PON3: variants seen among roughly 807,000 people sequenced by gnomAD.
PON3 encodes the protein serum paraoxonase/lactonase 3.
In PON3, 37 loss-of-function variants were observed where a neutral mutation model predicts 36.3. The ratio of observed to expected loss-of-function variants is 1.02; its 90% CI spans 0.78 to 1.34. PON3 has a LOEUF of 1.34. PON3 is among the 40% of genes most tolerant of loss of function. The probability of loss-of-function intolerance (pLI) is 0.00; values close to 1 mark genes in which losing one functional copy is unlikely to be tolerated. For missense variants in PON3, 415 were observed against 426.5 expected, an observed-to-expected ratio of 0.97 and a Z score of 0.24; for synonymous variants, 155 against 154.8, an observed-to-expected ratio of 1.00 and a Z score of -0.01.
In PON3 at chr7:95,394,691, T is replaced by C. The variant is rs1339025907; in HGVS notation, c.98A>G (p.Glu33Gly). 3 of 1,614,036 alleles carry C rather than the reference T, an allele frequency of 1.9e-6. No individual in the cohort carries two copies. The highest frequency in any genetic ancestry group is 2.5e-6 in the Non-Finnish European group (3 of 1,180,022). The change falls in exon 2 of 9, where the codon GAA becomes GGA. Residue 33 changes from glutamate (E) to glycine (G), a missense_variant. Glu to Gly is a moderately conservative substitution (Grantham distance 98, BLOSUM62 -2). Coordinates refer to ENST00000265627, the MANE Select transcript of PON3 (RefSeq NM_000940.3). Reference sequence around the variant, plus strand: ...GTTTTCAGGTTCTACTGGCTCCACTTCTCGAGAGGCATTCACCCTTTCTCT... The same window carrying C: ...GTTTTCAGGTTCTACTGGCTCCACTCCTCGAGAGGCATTCACCCTTTCTCT... ...AFRERVNASR[E>G]VEPVEPENCH...
At chr7:95,380,953 A>G (rs1335379585) in intron 3 of PON3, among the ~76,000 whole-genome samples, 1 of 152,222 alleles carries the variant, frequency 6.6e-6, no homozygotes, top group Non-Finnish European at 1.5e-5. Context: ...AGCCAGAGAG[A>G]AAGGTCCAGT....
intron 3 of PON3, among the ~76,000 whole-genome samples, chr7:95,375,060 A>T (rs1808884904): frequency 1.3e-5 from 2 of 150,888 alleles, no homozygotes; most frequent in Admixed American, 1.3e-4. Flanking sequence ...CAAAATCAAC[A>T]CTCTCCCCTC....
In PON3 at chr7:95,383,288, A is replaced by G. The variant is rs537549892; in HGVS notation, c.201+6866T>C. The stretch of plus-strand genomic sequence containing the variant: ...ACTGGAAGCATTCCCTTTGAAAACC[A>G]GCACAAGACAGGGATGCCCTCTCTC... On this transcript the variant is annotated intron_variant, in intron 3 of 8. Coordinates refer to ENST00000265627, the MANE Select transcript of PON3 (RefSeq NM_000940.3). Among the ~76,000 whole-genome samples, 14 of 152,254 alleles carry G rather than the reference A, an allele frequency of 9.2e-5. 1 individual carries two copies. Among genetic ancestry groups the G allele is most frequent in the Admixed American group, 5.2e-4 (8 of 15,268 alleles).
intron 4 of PON3, among the ~76,000 whole-genome samples, chr7:95,368,250 G>A (rs1808739364): frequency 6.6e-6 from 1 of 152,144 alleles, no homozygotes; most frequent in African/African-American, 2.4e-5. Context: ...TCCCACTGTA[G>A]GACTTGATCT....
At chr7:95,384,032 G>C (rs202171678) in intron 3 of PON3, among the ~76,000 whole-genome samples, 1 of 152,134 alleles carries the variant, frequency 6.6e-6, no homozygotes, top group East Asian at 1.9e-4. Flanking sequence ...CAGAACAGAG[G>C]CCTCAGAGAT....
intron 3 of PON3, among the ~76,000 whole-genome samples, chr7:95,377,287 C>T (rs183164184): frequency 2.6e-4 from 40 of 152,314 alleles, no homozygotes; most frequent in Admixed American, 1.5e-3. Flanking sequence ...GCAGAGCCCA[C>T]CACAGCTCAG....
chr7:95,368,811 AAAC>A (rs763585833), intron 4 of PON3, among the ~76,000 whole-genome samples: 1 of 108,574 alleles, frequency 9.2e-6, no homozygotes, highest in Non-Finnish European at 1.9e-5. Flanking sequence ...AAACAAAAAC[AAAC>A]AAAAAAAAAA....
At chr7:95,368,146 G>C (rs915438575) in intron 4 of PON3, among the ~76,000 whole-genome samples, 9 of 152,154 alleles carry the variant, frequency 5.9e-5, no homozygotes, top group African/African-American at 2.2e-4. Flanking sequence ...CAAGATTGAG[G>C]GTAGTAATTT....
Position 95,372,254 on chromosome 7 carries a change from T to G in PON3, c.286A>C (p.Arg96=), listed in dbSNP as rs774112217. 1.2e-6 allele frequency: 2 copies of G among 1,613,868 alleles called. No homozygotes were observed. Among genetic ancestry groups the G allele is most frequent in the Non-Finnish European group, 1.7e-6 (2 of 1,179,890 alleles). ...FLMDLNEQNP[R]AQALEISGGF... ...CCACTGATTTCTAGCGCTTGTGCCC[T>G]TGGGTTTTGTTCATTCAGATCCATC... The change falls in exon 4 of 9, where the codon AGG becomes CGG. Residue 96 remains arginine, a synonymous_variant. Coordinates refer to ENST00000265627, the MANE Select transcript of PON3 (RefSeq NM_000940.3).
intron 3 of PON3, among the ~76,000 whole-genome samples, chr7:95,383,115 C>T (rs1366018187): frequency 3.9e-5 from 6 of 152,176 alleles, no homozygotes; most frequent in African/African-American, 1.2e-4. Flanking sequence ...ATGATTATCT[C>T]ACTAGATGCA....
At chr7:95,395,683 T>C (rs1404539255) in intron 1 of PON3, among the ~76,000 whole-genome samples, 1 of 152,190 alleles carries the variant, frequency 6.6e-6, no homozygotes, top group Non-Finnish European at 1.5e-5. Flanking sequence ...AGTATTGACT[T>C]TTCCTGAGAC....
chr7:95,387,465 C>A (rs1166290464), intron 3 of PON3, among the ~76,000 whole-genome samples: 2 of 152,094 alleles, frequency 1.3e-5, no homozygotes, highest in African/African-American at 4.8e-5. Flanking sequence ...CAAACCACTG[C>A]TCAACAAAAT....
chr7:95,376,801 A>T (rs1808922530), intron 3 of PON3, among the ~76,000 whole-genome samples: 2 of 140,930 alleles, frequency 1.4e-5, no homozygotes, highest in Non-Finnish European at 3.2e-5. Flanking sequence ...GAATAGGAAC[A>T]GCTCCGGCCT....
chr7:95,382,444 A>G (rs1196769453), intron 3 of PON3, among the ~76,000 whole-genome samples: 6 of 152,216 alleles, frequency 3.9e-5, no homozygotes, highest in Non-Finnish European at 5.9e-5. Flanking sequence ...AACAAAATTG[A>G]TAGACCACTA....
At chr7:95,374,583 T>A (rs1481161364) in intron 3 of PON3, among the ~76,000 whole-genome samples, 1 of 152,178 alleles carries the variant, frequency 6.6e-6, no homozygotes, top group African/African-American at 2.4e-5. Flanking sequence ...TCAAATTTCT[T>A]AGAAACATCA....
intron 1 of PON3, chr7:95,396,007 AG>A: frequency 2.0e-6 from 1 of 497,020 alleles, no homozygotes; most frequent in African/African-American, 1.9e-5. Flanking sequence ...AGAAAGTAAA[AG>A]GGGGTCATGA....
At chr7:95,390,817 T>A (rs912047112) in intron 2 of PON3, among the ~76,000 whole-genome samples, 1 of 152,124 alleles carries the variant, frequency 6.6e-6, no homozygotes, top group Non-Finnish European at 1.5e-5. Flanking sequence ...AAGAGACATA[T>A]AATAAGTAAG....
intron 3 of PON3, among the ~76,000 whole-genome samples, chr7:95,388,857 C>G (rs1049728823): frequency 2.0e-5 from 3 of 152,136 alleles, no homozygotes; most frequent in African/African-American, 7.2e-5. Context: ...CCAGACACTG[C>G]ATGTTTTCAC....
At chr7:95,383,757 T>C (rs1299225952) in intron 3 of PON3, among the ~76,000 whole-genome samples, 1 of 152,064 alleles carries the variant, frequency 6.6e-6, no homozygotes, top group Non-Finnish European at 1.5e-5. Flanking sequence ...AGAATCAATA[T>C]CGTGAAAATG....
Sources: gnomAD v4.1 joint callset for allele counts (sites outside exome capture counted in the v4.1 genomes callset) on GRCh38, gnomAD v4.1.1 for gene constraint, MANE v1.5 for transcripts, NCBI Gene and HGNC (gene_info 2026-07-23, HGNC 2026-07-21) for gene names.